Variants in RYR2 observed in about 807,000 individuals in gnomAD.
RYR2 encodes cardiac muscle ryanodine receptor-calcium release channel.
Under a neutral mutation model 601.1 loss-of-function variants are expected in RYR2, and 227 were observed. The observed-to-expected ratio is 0.38, with a 90% CI of 0.34 to 0.42. The LOEUF is 0.42. RYR2 is among the 10% of genes least tolerant of loss of function. RYR2 has a pLI of 1.00. For synonymous variants in RYR2, 2,223 were observed against 2,175.1 expected (o/e 1.02, Z -0.61); for missense variants, 4,646 against 6,156.5 (o/e 0.75, Z 8.21).
At chr1:237,405,607 C>T (rs750157397) in intron 10 of RYR2, among the ~76,000 whole-genome samples, 2 of 152,156 alleles carry the variant, frequency 1.3e-5, no homozygotes, top group Non-Finnish European at 2.9e-5. Context: ...CAGCCCATAA[C>T]TTGGTTATGT....
At chr1:237,659,131 T>C (rs1226134893) in intron 54 of RYR2, among the ~76,000 whole-genome samples, 1 of 152,176 alleles carries the variant, frequency 6.6e-6, no homozygotes, top group Non-Finnish European at 1.5e-5. Flanking sequence ...ACGTAACAAA[T>C]AAAGATCATC....
At chr1:237,095,560 G>C (rs1035095823) in intron 1 of RYR2, among the ~76,000 whole-genome samples, 2 of 152,168 alleles carry the variant, frequency 1.3e-5, no homozygotes, top group Non-Finnish European at 2.9e-5. Flanking sequence ...TCACTCAAGG[G>C]AAGTACCCAC....
At chr1:237,692,370 C>T (rs778113058) in intron 63 of RYR2, among the ~76,000 whole-genome samples, 1 of 152,196 alleles carries the variant, frequency 6.6e-6, no homozygotes, top group African/African-American at 2.4e-5. Flanking sequence ...TGAATCCCCT[C>T]CTGCTTCTCT....
At chr1:237,546,696 T>G (rs1669844520) in intron 25 of RYR2, among the ~76,000 whole-genome samples, 1 of 152,056 alleles carries the variant, frequency 6.6e-6, no homozygotes, top group South Asian at 2.1e-4. Context: ...ATAAATTACT[T>G]ACAATATATG....
intron 2 of RYR2, among the ~76,000 whole-genome samples, chr1:237,326,524 G>C (rs1483748046): frequency 2.6e-5 from 4 of 152,170 alleles, no homozygotes; most frequent in African/African-American, 9.7e-5. Context: ...TGTGTAAGAG[G>C]CGGGTAGGTA....
intron 29 of RYR2, among the ~76,000 whole-genome samples, chr1:237,580,155 C>CT (rs58145628): frequency 0.31 from 36,077 of 116,388 alleles, 6,051 homozygotes; most frequent in South Asian, 0.44. Context: ...CACAACAATT[C>CT]TTTTTTTTTT....
intron 12 of RYR2, among the ~76,000 whole-genome samples, chr1:237,429,194 G>A (rs1028763303): frequency 1.3e-5 from 2 of 152,122 alleles, no homozygotes; most frequent in Non-Finnish European, 2.9e-5. Flanking sequence ...TTCCTTGTAA[G>A]TCAGCCAACA....
At chr1:237,793,798 A>G in intron 94 of RYR2, 69 bp from the exon 95 acceptor site, 1 of 1,247,424 alleles carries the variant, frequency 8.0e-7, no homozygotes, top group Non-Finnish European at 1.1e-6. Flanking sequence ...GCTGTTTTGT[A>G]AAGATAGTGA....
chr1:237,570,116 G>T (rs1344686400), intron 29 of RYR2, among the ~76,000 whole-genome samples: 1 of 151,602 alleles, frequency 6.6e-6, no homozygotes, highest in Non-Finnish European at 1.5e-5. Context: ...TATTTGAGAG[G>T]CTGAGGCAGG....
intron 37 of RYR2, among the ~76,000 whole-genome samples, chr1:237,615,633 G>A (rs936868909): frequency 6.6e-6 from 1 of 152,006 alleles, no homozygotes; most frequent in Non-Finnish European, 1.5e-5. Context: ...TTTGCTCCTC[G>A]TTCCTTTAGT....
chr1:237,079,777 A>G (rs1443069044), intron 1 of RYR2, among the ~76,000 whole-genome samples: 1 of 142,604 alleles, frequency 7.0e-6, no homozygotes, highest in Non-Finnish European at 1.5e-5. Context: ...GGAAAAAACT[A>G]CTTTAAAGTT....
chr1:237,452,668 G>A (rs1020316517), intron 14 of RYR2, among the ~76,000 whole-genome samples: 3 of 150,308 alleles, frequency 2.0e-5, no homozygotes, highest in African/African-American at 7.3e-5. Context: ...TAATAATATA[G>A]TTTAATCTTT....
At chr1:237,138,137 T>C (rs868156211) in intron 1 of RYR2, among the ~76,000 whole-genome samples, 1 of 152,208 alleles carries the variant, frequency 6.6e-6, no homozygotes, top group African/African-American at 2.4e-5. Context: ...GTTCAAGCGA[T>C]TCTCCTGCCT....
intron 10 of RYR2, 51 bp downstream of exon 10, chr1:237,388,234 T>TA: frequency 6.8e-7 from 1 of 1,480,922 alleles, no homozygotes; most frequent in Non-Finnish European, 9.3e-7. Context: ...TGCCTTGATG[T>TA]AATGTTTTAA....
At chr1:237,253,141 G>A (rs540199643) in intron 1 of RYR2, among the ~76,000 whole-genome samples, 1 of 144,770 alleles carries the variant, frequency 6.9e-6, no homozygotes, top group East Asian at 2.0e-4. Context: ...TGCAGCCTGG[G>A]CAACAGAGCG....
intron 69 of RYR2, 132 bp downstream of exon 69, chr1:237,709,230 G>A (rs1352487111): frequency 4.5e-6 from 4 of 889,648 alleles, no homozygotes; most frequent in Non-Finnish European, 6.7e-6. Context: ...CTGTTTATAG[G>A]CAAGTTAATT....
intron 38 of RYR2, among the ~76,000 whole-genome samples, chr1:237,621,211 A>G (rs1241809865): frequency 6.6e-6 from 1 of 152,164 alleles, no homozygotes; most frequent in Non-Finnish European, 1.5e-5. Context: ...TCATTAAACT[A>G]AAAGAAATTG....
intron 1 of RYR2, among the ~76,000 whole-genome samples, chr1:237,232,894 G>A (rs993490299): frequency 1.3e-5 from 2 of 152,106 alleles, no homozygotes; most frequent in Admixed American, 6.5e-5. Flanking sequence ...CAGAGCAGAG[G>A]GAAAATCAAG....
At chr1:237,203,806 G>T (rs1306801293) in intron 1 of RYR2, among the ~76,000 whole-genome samples, 1 of 152,066 alleles carries the variant, frequency 6.6e-6, no homozygotes, top group Admixed American at 6.5e-5. Flanking sequence ...TCCTAATCAA[G>T]AATATCTCCA....
Sources: gnomAD v4.1 joint callset for allele counts (sites outside exome capture counted in the v4.1 genomes callset) on GRCh38, gnomAD v4.1.1 for gene constraint, MANE v1.5 for transcripts, NCBI Gene and HGNC (gene_info 2026-07-23, HGNC 2026-07-21) for gene names.